GRIK1: variants seen among roughly 807,000 people sequenced by gnomAD.
The protein encoded by GRIK1 is glutamate ionotropic receptor kainate type subunit 1.
GRIK1 carries 69 observed loss-of-function variants against 105.7 expected under a neutral mutation model. The observed-to-expected ratio is 0.65, with a 90% CI of 0.54 to 0.80. GRIK1 has a LOEUF of 0.80. Among genes scored for constraint, GRIK1 ranks in the 30% least tolerant of loss-of-function variants. The pLI is 0.00. For synonymous variants in GRIK1, 438 were observed against 431.3 expected (o/e 1.02, Z -0.19); for missense variants, 1,109 against 1,167.3 (o/e 0.95, Z 0.73).
intron 1 of GRIK1, among the ~76,000 whole-genome samples, chr21:29,884,753 T>C (rs182590252): frequency 9.3e-4 from 141 of 152,196 alleles, no homozygotes; most frequent in African/African-American, 3.2e-3. Context: ...ATTTAGAAAT[T>C]AAGTAACTTG....
At chr21:29,716,339 G>C (rs1296301972) in intron 1 of GRIK1, among the ~76,000 whole-genome samples, 1 of 152,202 alleles carries the variant, frequency 6.6e-6, no homozygotes, top group African/African-American at 2.4e-5. Flanking sequence ...TTTGGGACTG[G>C]ATAACAGGCA....
chr21:29,817,165 C>A (rs527562600), intron 1 of GRIK1, among the ~76,000 whole-genome samples: 91 of 152,118 alleles, frequency 6.0e-4, no homozygotes, highest in African/African-American at 2.2e-3. Flanking sequence ...CAGGAGCCAA[C>A]TTAAAGCAAC....
chr21:29,826,036 G>A (rs879301123), intron 1 of GRIK1, among the ~76,000 whole-genome samples: 1 of 152,074 alleles, frequency 6.6e-6, no homozygotes, highest in Non-Finnish European at 1.5e-5. Flanking sequence ...TAGTGACATG[G>A]GATAATGAGA....
intron 1 of GRIK1, among the ~76,000 whole-genome samples, chr21:29,793,999 GA>G (rs2145831074): frequency 6.6e-6 from 1 of 152,222 alleles, no homozygotes; most frequent in South Asian, 2.1e-4. Context: ...CATAAAGCTT[GA>G]AATGCAAATT....
chr21:29,618,339 A>G (rs139521389), intron 7 of GRIK1, among the ~76,000 whole-genome samples: 1 of 152,328 alleles, frequency 6.6e-6, no homozygotes, highest in African/African-American at 2.4e-5. Context: ...GAATGGCCAT[A>G]ATAAAAAAAA....
intron 16 of GRIK1, among the ~76,000 whole-genome samples, chr21:29,549,921 A>G (rs2090103946): frequency 6.6e-6 from 1 of 151,972 alleles, no homozygotes; most frequent in Admixed American, 6.6e-5. Context: ...AGCTTGGCCA[A>G]CATGGCGAAA....
chr21:29,849,927 A>AC (rs1241473527), intron 1 of GRIK1, among the ~76,000 whole-genome samples: 24 of 152,150 alleles, frequency 1.6e-4, no homozygotes, highest in African/African-American at 5.1e-4. Flanking sequence ...ACTGAACCCA[A>AC]CAGTGGATGG....
intron 1 of GRIK1, among the ~76,000 whole-genome samples, chr21:29,798,428 C>T (rs1728999627): frequency 6.6e-6 from 1 of 152,218 alleles, no homozygotes; most frequent in Admixed American, 6.5e-5. Context: ...TTTAAACACA[C>T]AAGTTCTTTT....
At chr21:29,784,507 G>GT (rs765341806) in intron 1 of GRIK1, among the ~76,000 whole-genome samples, 221 of 150,892 alleles carry the variant, frequency 1.5e-3, no homozygotes, top group South Asian at 6.5e-3. Context: ...CTTTGTCTAG[G>GT]TTTTTTTTTA....
At chr21:29,781,250 C>CT (rs2066090539) in intron 1 of GRIK1, among the ~76,000 whole-genome samples, 1 of 152,096 alleles carries the variant, frequency 6.6e-6, no homozygotes, top group African/African-American at 2.4e-5. Context: ...CAACATGCTC[C>CT]TTCCTTTTTT....
Position 29,756,879 on chromosome 21 carries a change from C to T in GRIK1, c.119-62816G>A, listed in dbSNP as rs1255726377. On this transcript the variant is annotated intron_variant, in intron 1 of 17. Coordinates refer to ENST00000327783, the MANE Select transcript of GRIK1 (RefSeq NM_001330994.2). ...CTGTAATCCCAGCACTTTGGGAGGC[C>T]GAGGTGGGCGGATCGTCTGAGCTCA... Among the ~76,000 whole-genome samples the T allele has an allele frequency of 5.3e-5, 8 of 152,164 alleles. No individual in the cohort carries two copies. The East Asian group carries it at 1.2e-3, about 22-fold the overall frequency.
chr21:29,821,661 T>C (rs1244767248), intron 1 of GRIK1, among the ~76,000 whole-genome samples: 1 of 152,072 alleles, frequency 6.6e-6, no homozygotes, highest in East Asian at 1.9e-4. Flanking sequence ...ATTACCGTAG[T>C]ATAGTATGTA....
intron 7 of GRIK1, among the ~76,000 whole-genome samples, chr21:29,614,402 CTTTTTTTTTTTT>C (rs35063316): frequency 1.4e-4 from 12 of 83,088 alleles, no homozygotes; most frequent in East Asian, 1.2e-3. Context: ...TAAAATCCCT[CTTTTTTTTTTTT>C]TTTTTTTTTT....
At chr21:29,720,696 C>T (rs567235593) in intron 1 of GRIK1, among the ~76,000 whole-genome samples, 1 of 152,232 alleles carries the variant, frequency 6.6e-6, no homozygotes, top group African/African-American at 2.4e-5. Flanking sequence ...GCTTCGATCA[C>T]CTCCATGAGA....
chr21:29,599,377 A>C (rs956815410), intron 7 of GRIK1, among the ~76,000 whole-genome samples: 4 of 152,210 alleles, frequency 2.6e-5, no homozygotes, highest in African/African-American at 9.7e-5. Flanking sequence ...TGCAGTTTTT[A>C]GGCTGTTTAT....
rs547379262 is a variant in GRIK1 at position 29,673,054 on chromosome 21, T to C, written c.655A>G (p.Met219Val). ...NKDAKPLLKEMKKGKEFYVIF... is the reference protein window; with the variant it reads ...NKDAKPLLKEVKKGKEFYVIF... ...ACATAGAACTCCTTGCCTTTCTTCA[T>C]CTCCTTGAGTAAAGGCTTGGCATCT... The change falls in exon 4 of 18, where the codon ATG (methionine) becomes GTG (valine). Residue 219 changes from methionine to valine, a missense_variant. Met to Val is a conservative substitution (Grantham distance 21, BLOSUM62 1). Around this residue, in one of 5 missense-constraint regions of GRIK1, gnomAD observed 612 missense variants for 586.0 expected, o/e 1.04. Transcript: ENST00000327783. The C allele has an allele frequency of 1.2e-4, 187 of 1,612,148 alleles. 1 individual carries two copies. The South Asian group carries it at 1.9e-3, about 16-fold the overall frequency.
At chr21:29,740,506 G>C (rs941636469) in intron 1 of GRIK1, among the ~76,000 whole-genome samples, 1 of 152,126 alleles carries the variant, frequency 6.6e-6, no homozygotes, top group Non-Finnish European at 1.5e-5. Context: ...GTGAGCCATC[G>C]TGCCTGGCCT....
chr21:29,579,180 A>G (rs1424928441), intron 13 of GRIK1, among the ~76,000 whole-genome samples: 1 of 152,244 alleles, frequency 6.6e-6, no homozygotes, highest in Non-Finnish European at 1.5e-5. Flanking sequence ...AAATGTTAAT[A>G]GAAACGTATT....
At chr21:29,752,979 C>T (rs183122177) in intron 1 of GRIK1, among the ~76,000 whole-genome samples, 2 of 152,360 alleles carry the variant, frequency 1.3e-5, no homozygotes, top group Admixed American at 1.3e-4. Context: ...ATATGACAGG[C>T]TGCTCTAGTT....
Sources: gnomAD v4.1 joint callset for allele counts (sites outside exome capture counted in the v4.1 genomes callset) on GRCh38, gnomAD v4.1.1 for gene constraint, gnomAD v4.1.1 regional missense constraint, MANE v1.5 for transcripts, NCBI Gene and HGNC (gene_info 2026-07-23, HGNC 2026-07-21) for gene names.